RNGTT: variants seen among roughly 807,000 people sequenced by gnomAD.
RNGTT encodes the protein mRNA-capping enzyme.
RNGTT carries 33 observed loss-of-function variants against 79.3 expected under a neutral mutation model. That is an observed-to-expected ratio of 0.42 (90% CI 0.32 to 0.56). The LOEUF is 0.56. Ranked by LOEUF, RNGTT falls within the 20% of genes least tolerant of loss-of-function variation. RNGTT has a pLI of 0.17. For synonymous variants in RNGTT, 222 were observed against 235.9 expected, an observed-to-expected ratio of 0.94 and a Z score of 0.54; for missense variants, 497 against 739.1, an observed-to-expected ratio of 0.67 and a Z score of 3.80.
intron 13 of RNGTT, among the ~76,000 whole-genome samples, chr6:88,751,717 G>C (rs1777846306): frequency 1.3e-5 from 2 of 151,906 alleles, no homozygotes; most frequent in African/African-American, 4.8e-5. Flanking sequence ...GTTTATATTA[G>C]GCAATGCTGG....
At chr6:88,823,339 G>C (rs953917811) in intron 11 of RNGTT, among the ~76,000 whole-genome samples, 6 of 152,012 alleles carry the variant, frequency 3.9e-5, no homozygotes, top group Admixed American at 3.3e-4. Flanking sequence ...GGGAGGCTGA[G>C]ACAGGAGAAT....
chr6:88,812,468 T>C (rs1282279780), intron 11 of RNGTT, among the ~76,000 whole-genome samples: 1 of 152,238 alleles, frequency 6.6e-6, no homozygotes, highest in Non-Finnish European at 1.5e-5. Context: ...TTTCATAATT[T>C]AGGCATCATT....
chr6:88,613,319 T>G (rs1273522437), intron 15 of RNGTT, among the ~76,000 whole-genome samples: 1 of 152,242 alleles, frequency 6.6e-6, no homozygotes, highest in Non-Finnish European at 1.5e-5. Context: ...CCATTCCTGT[T>G]GAATAGGTGG....
chr6:88,772,906 G>A (rs1434300319), intron 12 of RNGTT, among the ~76,000 whole-genome samples: 1 of 152,130 alleles, frequency 6.6e-6, no homozygotes, highest in Non-Finnish European at 1.5e-5. Flanking sequence ...GTGGAAGTCA[G>A]TGTGGTGATT....
At chr6:88,656,758 T>C (rs1295141244) in intron 14 of RNGTT, among the ~76,000 whole-genome samples, 1 of 151,014 alleles carries the variant, frequency 6.6e-6, no homozygotes, top group Admixed American at 6.6e-5. Context: ...TCCCCATGAC[T>C]TACTGAAGAT....
intron 13 of RNGTT, among the ~76,000 whole-genome samples, chr6:88,688,339 C>T (rs1270354571): frequency 1.3e-5 from 2 of 152,176 alleles, no homozygotes; most frequent in East Asian, 1.9e-4. Flanking sequence ...TTTTAATATA[C>T]TGACAGATGG....
chr6:88,714,428 T>C (rs1215964006), intron 13 of RNGTT: 1 of 151,428 alleles, frequency 6.6e-6, no homozygotes, highest in Non-Finnish European at 1.5e-5. Flanking sequence ...TGACTCAAGC[T>C]GAAAGTAAAA....
At chr6:88,842,416 G>A (rs1315278095) in intron 11 of RNGTT, among the ~76,000 whole-genome samples, 1 of 151,862 alleles carries the variant, frequency 6.6e-6, no homozygotes, top group Admixed American at 6.6e-5. Context: ...AATAACAGTA[G>A]TACCAGTAAT....
At chr6:88,863,933 A>G (rs1249905352) in intron 8 of RNGTT, among the ~76,000 whole-genome samples, 1 of 152,030 alleles carries the variant, frequency 6.6e-6, no homozygotes, top group Non-Finnish European at 1.5e-5. Context: ...GGAACCAAAA[A>G]TCTCATCCAA....
At chr6:88,865,643 G>A (rs1203914561) in intron 8 of RNGTT, among the ~76,000 whole-genome samples, 2 of 152,094 alleles carry the variant, frequency 1.3e-5, no homozygotes, top group East Asian at 1.9e-4. Context: ...ATCAGACGCT[G>A]CACTGAATGA....
At chr6:88,698,662 CTA>C (rs1421582790) in intron 13 of RNGTT, among the ~76,000 whole-genome samples, 1 of 152,038 alleles carries the variant, frequency 6.6e-6, no homozygotes, top group East Asian at 1.9e-4. Flanking sequence ...TATACTAAAA[CTA>C]TTTTAATAAC....
intron 13 of RNGTT, among the ~76,000 whole-genome samples, chr6:88,753,293 C>G (rs2127831488): frequency 6.6e-6 from 1 of 152,172 alleles, no homozygotes; most frequent in Non-Finnish European, 1.5e-5. Flanking sequence ...CTGCTTGAGC[C>G]TAGGAGTTGA....
chr6:88,929,178 T>G lies in RNGTT; in HGVS notation c.264A>C (p.Lys88Asn), dbSNP rs773355221. The G allele has an allele frequency of 6.3e-7, 1 of 1,598,754 alleles. No individual in the cohort carries two copies. The highest frequency in any genetic ancestry group is 8.6e-7 in the Non-Finnish European group (1 of 1,168,316). Residue 88 changes from lysine (K) to asparagine (N), a missense_variant, in exon 3 of 16, where the codon AAA becomes AAC. Around this residue, in one of 3 missense-constraint regions of RNGTT, gnomAD observed 440 missense variants for 671.5 expected, o/e 0.66. Coordinates refer to ENST00000369485, the MANE Select transcript of RNGTT (RefSeq NM_003800.5). ...ATATAACTTACCCTTTACACTGAAG[T>G]TTTATATATTTGATTCCTTCTTTTT... is the stretch of plus-strand genomic sequence containing the variant. ...DIEKEGIKYI[K>N]LQCKGHGECP... is the part of the protein sequence containing the mutation.
chr6:88,872,914 C>T (rs1782402339), intron 8 of RNGTT, among the ~76,000 whole-genome samples: 1 of 152,074 alleles, frequency 6.6e-6, no homozygotes, highest in African/African-American at 2.4e-5. Context: ...ACTACAGTGA[C>T]ATATGGACTG....
chr6:88,688,496 A>G (rs1775357919), intron 13 of RNGTT, among the ~76,000 whole-genome samples: 1 of 152,188 alleles, frequency 6.6e-6, no homozygotes, highest in Non-Finnish European at 1.5e-5. Context: ...TCATTCACCA[A>G]TAAAAGAAAC....
At chr6:88,895,344 T>C (rs987550083) in intron 6 of RNGTT, among the ~76,000 whole-genome samples, 11 of 152,068 alleles carry the variant, frequency 7.2e-5, no homozygotes, top group Non-Finnish European at 1.6e-4. Flanking sequence ...TTCATCGTTG[T>C]ATTCAAAGAA....
At chr6:88,740,388 C>T (rs1354627754) in intron 13 of RNGTT, among the ~76,000 whole-genome samples, 1 of 151,864 alleles carries the variant, frequency 6.6e-6, no homozygotes, top group African/African-American at 2.4e-5. Flanking sequence ...CATAGTAGCA[C>T]ACACCTGTGG....
chr6:88,824,918 T>C (rs2127882899), intron 11 of RNGTT, among the ~76,000 whole-genome samples: 1 of 152,168 alleles, frequency 6.6e-6, no homozygotes, highest in Middle Eastern at 3.4e-3. Flanking sequence ...AATTTTTGTA[T>C]TTTTAGTAAA....
chr6:88,761,782 C>G (rs939487321), intron 13 of RNGTT, among the ~76,000 whole-genome samples: 2 of 152,134 alleles, frequency 1.3e-5, no homozygotes, highest in African/African-American at 4.8e-5. Context: ...AAAATATTGA[C>G]TATCTGGCCT....
Sources: gnomAD v4.1 joint callset for allele counts (sites outside exome capture counted in the v4.1 genomes callset) on GRCh38, gnomAD v4.1.1 for gene constraint, gnomAD v4.1.1 regional missense constraint, MANE v1.5 for transcripts, NCBI Gene and HGNC (gene_info 2026-07-23, HGNC 2026-07-21) for gene names.